The following MYO5A variants were observed in gnomAD, a reference collection of about 807,000 sequenced individuals.
MYO5A encodes myosin VA.
A neutral mutation model predicts 249.7 loss-of-function variants in MYO5A; 98 were observed. The ratio of observed to expected loss-of-function variants is 0.39; its 90% CI spans 0.33 to 0.46. MYO5A has a LOEUF of 0.46. Ranked by LOEUF, MYO5A falls within the 20% of genes least tolerant of loss-of-function variation. The pLI is 0.98. For synonymous variants in MYO5A, 778 were observed against 810.6 expected (o/e 0.96, Z 0.68); for missense variants, 1,696 against 2,308.8 (o/e 0.73, Z 5.44).
At chr15:52,314,267 T>C in intron 40 of MYO5A, 64 bp from the exon 41 acceptor site, 1 of 1,203,020 alleles carries the variant, frequency 8.3e-7, no homozygotes. Context: ...GTACCTATAA[T>C]CTGGAAAATT....
chr15:52,448,300 T>C (rs1324446679), intron 1 of MYO5A, among the ~76,000 whole-genome samples: 1 of 152,242 alleles, frequency 6.6e-6, no homozygotes, highest in East Asian at 1.9e-4. Context: ...ATTTAATGAC[T>C]GTCCTGCTGG....
At chr15:52,353,779 G>C (rs2040067274) in intron 26 of MYO5A, 92 bp downstream of exon 26, 3 of 1,603,654 alleles carry the variant, frequency 1.9e-6, no homozygotes, top group Non-Finnish European at 2.6e-6. Flanking sequence ...AGTGGTGCTT[G>C]GATAGGCTGG....
intron 37 of MYO5A, 90 bp downstream of exon 37, chr15:52,323,265 A>T: frequency 8.4e-7 from 1 of 1,197,556 alleles, no homozygotes; most frequent in Non-Finnish European, 1.2e-6. Flanking sequence ...TTCCTAAATA[A>T]ATGGTTAAAC....
intron 1 of MYO5A, among the ~76,000 whole-genome samples, chr15:52,455,320 C>G (rs2076096301): frequency 1.3e-5 from 2 of 151,802 alleles, no homozygotes; most frequent in Admixed American, 1.3e-4. Context: ...AGAGTCATAA[C>G]AACAACGACA....
At chr15:52,379,501 C>T in intron 18 of MYO5A, 124 bp downstream of exon 18, 1 of 812,832 alleles carries the variant, frequency 1.2e-6, no homozygotes, top group South Asian at 1.4e-5. Context: ...GTAGTGTGCC[C>T]CTCTCTGATC....
chr15:52,442,268 C>T lies in MYO5A; in HGVS notation c.28-8983G>A, dbSNP rs553901669. ...TGCTGGCGCCACCACCTCCACCAGCCATCTCCTGGAGCAGCAAGGAGGGGG... is the reference window on the plus strand; with the variant it reads ...TGCTGGCGCCACCACCTCCACCAGCTATCTCCTGGAGCAGCAAGGAGGGGG... On this transcript the variant is annotated intron_variant, in intron 1 of 41. Coordinates refer to ENST00000399233, the MANE Select transcript of MYO5A (RefSeq NM_001382347.1). Among the ~76,000 whole-genome samples, 7 of 152,212 alleles carry T rather than the reference C, an allele frequency of 4.6e-5. No homozygotes were observed. The South Asian group carries it at 1.2e-3, about 27-fold the overall frequency.
chr15:52,469,358 G>A (rs900301121), intron 1 of MYO5A, among the ~76,000 whole-genome samples: 4 of 152,088 alleles, frequency 2.6e-5, no homozygotes, highest in Non-Finnish European at 5.9e-5. Flanking sequence ...TTACAATAAA[G>A]TAAGCTAGAG....
At chr15:52,376,234 TG>T in intron 19 of MYO5A, 112 bp downstream of exon 19, 1 of 962,696 alleles carries the variant, frequency 1.0e-6, no homozygotes, top group Admixed American at 2.0e-5. Context: ...TGTTGTCCCT[TG>T]GAACTAAGAA....
At chr15:52,482,889 T>G (rs1351308567) in intron 1 of MYO5A, among the ~76,000 whole-genome samples, 1 of 152,180 alleles carries the variant, frequency 6.6e-6, no homozygotes, top group Non-Finnish European at 1.5e-5. Context: ...TTCTAAGGTC[T>G]CCTGTGATTA....
Position 52,397,287 on chromosome 15 carries a change from G to A in MYO5A, c.1233C>T (p.Leu411=), listed in dbSNP as rs781075306. The change falls in exon 10 of 42, where the codon CTC becomes CTT. Residue 411 remains leucine (L), a synonymous_variant. Transcript: ENST00000399233. ...TGACATTATCTACAATCCAGTTAAAGAGCTTGGCATAGATGTGCTTGGCCA... is the reference window on the plus strand; with the variant it reads ...TGACATTATCTACAATCCAGTTAAAAAGCTTGGCATAGATGTGCTTGGCCA... The part of the protein sequence containing the change: ...DALAKHIYAK[L]FNWIVDNVNQ... The A allele has an allele frequency of 5.0e-6, 8 of 1,614,108 alleles. No homozygotes were observed. The Admixed American group carries it at 1.3e-4, about 27-fold the overall frequency.
chr15:52,367,870 AACACACACACACACACAC>A lies in MYO5A; in HGVS notation c.3067-764_3067-747del, dbSNP rs3985806. ...AAATTTTATGTCATGTATATTTTAA[AACACACACACACACACAC>A]ACACACACACACACACACACACACA... On this transcript the variant is annotated intron_variant, in intron 22 of 41. Coordinates refer to ENST00000399233, the MANE Select transcript of MYO5A (RefSeq NM_001382347.1). 3.7e-4 allele frequency among the ~76,000 whole-genome samples: 53 copies of A among 141,884 alleles called. 1 individual carries two copies. Among genetic ancestry groups the A allele is most frequent in the Admixed American group, 1.0e-3 (15 of 14,328 alleles). The allele number at this position is 141,884 out of a possible 152,430, so 93.1% of individuals were successfully genotyped here.
intron 13 of MYO5A, 117 bp downstream of exon 13, chr15:52,389,121 C>G: frequency 2.9e-6 from 3 of 1,039,694 alleles, no homozygotes; most frequent in Non-Finnish European, 4.2e-6. Context: ...GACTGCTGTC[C>G]CTTGAGCCCT....
intron 15 of MYO5A, among the ~76,000 whole-genome samples, chr15:52,383,442 A>G (rs2041842782): frequency 6.6e-6 from 1 of 152,220 alleles, no homozygotes; most frequent in Non-Finnish European, 1.5e-5. Context: ...TTTTCCCCAC[A>G]GGAAGCTACA....
chr15:52,526,794 A>AT (rs941504069), intron 1 of MYO5A, among the ~76,000 whole-genome samples: 10 of 152,166 alleles, frequency 6.6e-5, no homozygotes, highest in African/African-American at 1.7e-4. Flanking sequence ...CATCTTTTCA[A>AT]TTTTTTCTCC....
intron 1 of MYO5A, among the ~76,000 whole-genome samples, chr15:52,508,900 G>A (rs942904359): frequency 2.0e-5 from 3 of 151,774 alleles, no homozygotes; most frequent in Admixed American, 6.6e-5. Context: ...AACGTAAGCC[G>A]TATGTTATAC....
At chr15:52,399,874 G>A (rs542570967) in intron 9 of MYO5A, among the ~76,000 whole-genome samples, 32 of 152,118 alleles carry the variant, frequency 2.1e-4, no homozygotes, top group Non-Finnish European at 3.5e-4. Flanking sequence ...TGCACCCAAC[G>A]TTTAGCTCCC....
At chr15:52,337,931 A>T in intron 32 of MYO5A, 47 bp from the exon 33 acceptor site, 2 of 1,287,400 alleles carry the variant, frequency 1.6e-6, no homozygotes, top group Middle Eastern at 1.8e-4. Context: ...TGTGTGTTTG[A>T]GGGAAATGCT....
At position 52,340,250 on chromosome 15, in the gene MYO5A, G is replaced by A; in HGVS notation, c.4185C>T (p.Ala1395=). Reference sequence around the variant, plus strand: ...CGTGCTGCAGGCTGGCCTCAATGCGGGCCTCTGGGGGCAGCTGCAGGTTCT... The same window carrying A: ...CGTGCTGCAGGCTGGCCTCAATGCGAGCCTCTGGGGGCAGCTGCAGGTTCT... ...LAQNLQLPPE[A]RIEASLQHEI... The change falls in exon 32 of 42, where the codon GCC becomes GCT. Residue 1395 remains alanine, a synonymous_variant. Coordinates refer to ENST00000399233, the MANE Select transcript of MYO5A (RefSeq NM_001382347.1). 6.2e-7 allele frequency: 1 copy of A among 1,614,128 alleles called. No homozygotes were observed. Among genetic ancestry groups the A allele is most frequent in the African/African-American group, 1.3e-5 (1 of 75,040 alleles).
At chr15:52,373,901 C>A (rs572149953) in intron 20 of MYO5A, among the ~76,000 whole-genome samples, 4 of 152,222 alleles carry the variant, frequency 2.6e-5, no homozygotes, top group South Asian at 4.1e-4. Flanking sequence ...TAAATACACT[C>A]ATTCAAGCCT....
Sources: gnomAD v4.1 joint callset for allele counts (sites outside exome capture counted in the v4.1 genomes callset) on GRCh38, gnomAD v4.1.1 for gene constraint, MANE v1.5 for transcripts, NCBI Gene and HGNC (gene_info 2026-07-23, HGNC 2026-07-21) for gene names.